The following COLEC10 variants were observed in gnomAD, a reference collection of about 807,000 sequenced individuals.
COLEC10 encodes the protein collectin-10.
COLEC10 carries 22 observed loss-of-function variants against 28.4 expected under a neutral mutation model. That is an observed-to-expected ratio of 0.78 (90% CI 0.55 to 1.11). COLEC10 has a LOEUF of 1.11. Among genes scored for constraint, COLEC10 ranks in the 50% least tolerant of loss-of-function variants. The pLI is 0.00. For missense variants in COLEC10, 361 were observed against 344.1 expected (o/e 1.05, Z -0.39); for synonymous variants, 125 against 116.1 (o/e 1.08, Z -0.49).
At chr8:119,008,486 T>A (rs561821638) in intron 1 of COLEC10, among the ~76,000 whole-genome samples, 21 of 149,742 alleles carry the variant, frequency 1.4e-4, no homozygotes, top group African/African-American at 2.5e-5. Context: ...TTTTATTTTT[T>A]TTTTTGCCAT....
chr8:119,095,761 A>G (rs1376711902), intron 3 of COLEC10, among the ~76,000 whole-genome samples: 1 of 152,180 alleles, frequency 6.6e-6, no homozygotes, highest in Admixed American at 6.6e-5. Context: ...TTAGAAATTG[A>G]TAAGCCAATT....
intron 2 of COLEC10, among the ~76,000 whole-genome samples, chr8:119,045,102 T>G (rs1814564505): frequency 6.6e-6 from 1 of 152,226 alleles, no homozygotes. Flanking sequence ...TCCCAAATTC[T>G]TGATGATACA....
intron 2 of COLEC10, among the ~76,000 whole-genome samples, chr8:119,048,270 C>A (rs565834081): frequency 1.1e-4 from 17 of 152,298 alleles, no homozygotes; most frequent in Non-Finnish European, 2.5e-4. Flanking sequence ...TGCATTAACT[C>A]GCTTAGAATT....
At chr8:119,103,702 C>A in intron 4 of COLEC10, 98 bp from the exon 5 acceptor site, 1 of 729,812 alleles carries the variant, frequency 1.4e-6, no homozygotes, top group Non-Finnish European at 2.4e-6. Flanking sequence ...TAGAACCAGA[C>A]TAGAAAAAGA....
At chr8:118,990,436 A>G in the COLEC10 span, among the ~76,000 whole-genome samples, 1 of 152,184 alleles carries the variant, frequency 6.6e-6, no homozygotes, top group Non-Finnish European at 1.5e-5. Flanking sequence ...AAGCCACTAA[A>G]TAGATTCTGT....
chr8:119,074,533 C>T (rs1815188240), intron 1 of COLEC10, among the ~76,000 whole-genome samples: 1 of 152,180 alleles, frequency 6.6e-6, no homozygotes, highest in Non-Finnish European at 1.5e-5. Context: ...CCTATCATTT[C>T]TTTCACTAGT....
chr8:119,043,617 A>T (rs1469908311), intron 2 of COLEC10, among the ~76,000 whole-genome samples: 1 of 152,242 alleles, frequency 6.6e-6, no homozygotes, highest in African/African-American at 2.4e-5. Flanking sequence ...TTTAAAGTTA[A>T]CATCACCAAC....
the COLEC10 span, among the ~76,000 whole-genome samples, chr8:118,966,531 T>C: frequency 1.3e-5 from 2 of 152,166 alleles, no homozygotes. Flanking sequence ...ACACTGATCC[T>C]TTGAAATATC....
At chr8:119,087,116 A>G (rs182056698) in intron 1 of COLEC10, among the ~76,000 whole-genome samples, 1 of 152,290 alleles carries the variant, frequency 6.6e-6, no homozygotes, top group Non-Finnish European at 1.5e-5. Context: ...GGCACAAACT[A>G]TTTGATAAAT....
intron 5 of COLEC10, 21 bp from the exon 6 acceptor site, chr8:119,105,779 C>T (rs368636526): frequency 9.5e-5 from 150 of 1,579,256 alleles, no homozygotes; most frequent in Non-Finnish European, 1.2e-4. Flanking sequence ...CGTAATGATA[C>T]TCCTTTTTCT....
chr8:118,998,239 T>C (rs1813624434), intron 1 of COLEC10, among the ~76,000 whole-genome samples: 1 of 152,196 alleles, frequency 6.6e-6, no homozygotes, highest in African/African-American at 2.4e-5. Context: ...AATTTGCCTT[T>C]TACCCATGAC....
At chr8:119,091,038 A>T in intron 2 of COLEC10, 111 bp from the exon 3 acceptor site, 1 of 798,112 alleles carries the variant, frequency 1.3e-6, no homozygotes, top group Non-Finnish European at 2.2e-6. Context: ...ATTAGATATC[A>T]CTGGTAGAAG....
intron 1 of COLEC10, among the ~76,000 whole-genome samples, chr8:119,070,701 C>T (rs1815102635): frequency 6.6e-6 from 1 of 151,110 alleles, no homozygotes; most frequent in Non-Finnish European, 1.5e-5. Context: ...TTGAAAATAA[C>T]AGCGATAAAA....
the COLEC10 span, among the ~76,000 whole-genome samples, chr8:118,969,626 C>A: frequency 6.6e-6 from 1 of 151,752 alleles, no homozygotes; most frequent in Non-Finnish European, 1.5e-5. Context: ...TGTGGTACAC[C>A]CAATACCCAG....
chr8:118,992,739 G>A (rs1012190250), upstream of COLEC10, among the ~76,000 whole-genome samples: 35 of 152,140 alleles, frequency 2.3e-4, no homozygotes, highest in African/African-American at 8.0e-4. Flanking sequence ...GAATATTCTG[G>A]TTATAATCAC....
At chr8:119,092,264 G>T (rs1815622045) in intron 3 of COLEC10, among the ~76,000 whole-genome samples, 1 of 151,810 alleles carries the variant, frequency 6.6e-6, no homozygotes, top group Non-Finnish European at 1.5e-5. Context: ...AGAGACAGGG[G>T]TTTCTCTGTG....
At chr8:119,040,121 C>T (rs1587013175) in intron 2 of COLEC10, among the ~76,000 whole-genome samples, 1 of 152,198 alleles carries the variant, frequency 6.6e-6, no homozygotes, top group African/African-American at 2.4e-5. Flanking sequence ...ATCTCTAGCC[C>T]AATTAGTACA....
At chr8:119,061,456 C>T (rs116383676) in intron 2 of COLEC10, among the ~76,000 whole-genome samples, 7,151 of 145,826 alleles carry the variant, frequency 0.049, 262 homozygotes, top group East Asian at 0.19. Context: ...AAAAAAAAAA[C>T]TCTTAAAAGC....
intron 2 of COLEC10, among the ~76,000 whole-genome samples, chr8:119,026,827 C>A (rs1402018842): frequency 6.6e-6 from 1 of 152,104 alleles, no homozygotes; most frequent in Non-Finnish European, 1.5e-5. Flanking sequence ...TTGCCTGAAG[C>A]TGGAGAGAGA....
Sources: allele counts gnomAD v4.1 joint callset (sites outside exome capture counted in the v4.1 genomes callset), GRCh38; gene constraint gnomAD v4.1.1; transcripts MANE v1.5; gene names NCBI Gene and HGNC (gene_info 2026-07-23, HGNC 2026-07-21).